The following MAGI2 variants were observed in gnomAD, a reference collection of about 807,000 sequenced individuals.
The protein encoded by MAGI2 is membrane associated guanylate kinase, WW and PDZ domain containing 2, also known as membrane-associated guanylate kinase, WW and PDZ domain-containing protein 2.
MAGI2 carries 35 observed loss-of-function variants against 133.3 expected under a neutral mutation model. The ratio of observed to expected loss-of-function variants is 0.26; its 90% CI spans 0.20 to 0.35. The LOEUF is 0.35. MAGI2 is among the 10% of genes least tolerant of loss of function. MAGI2 has a pLI of 1.00. For missense variants in MAGI2, 1,636 were observed against 1,863.4 expected, an observed-to-expected ratio of 0.88 and a Z score of 2.25; for synonymous variants, 729 against 710.6, an observed-to-expected ratio of 1.03 and a Z score of -0.41.
intron 18 of MAGI2, among the ~76,000 whole-genome samples, chr7:78,130,610 A>C (rs1446998079): frequency 6.6e-6 from 1 of 152,218 alleles, no homozygotes; most frequent in Non-Finnish European, 1.5e-5. Context: ...CAAATGTGCC[A>C]CCACCAACAA....
intron 1 of MAGI2, among the ~76,000 whole-genome samples, chr7:79,230,370 G>C (rs1310409690): frequency 6.6e-6 from 1 of 151,998 alleles, no homozygotes; most frequent in African/African-American, 2.4e-5. Flanking sequence ...TCGCCACACC[G>C]ACTTCCACAA....
chr7:78,568,409 C>T (rs1239486850), intron 3 of MAGI2: 1 of 152,240 alleles, frequency 6.6e-6, no homozygotes, highest in Non-Finnish European at 1.5e-5. Context: ...CCACCCAGAA[C>T]ATTTGATTTT....
intron 2 of MAGI2, among the ~76,000 whole-genome samples, chr7:78,823,204 C>A (rs970923162): frequency 7.2e-5 from 11 of 152,118 alleles, no homozygotes; most frequent in Non-Finnish European, 1.6e-4. Flanking sequence ...CTTGTCATTG[C>A]AGAGTGGAAC....
chr7:78,800,808 T>G (rs1242331879), intron 2 of MAGI2, among the ~76,000 whole-genome samples: 1 of 152,080 alleles, frequency 6.6e-6, no homozygotes, highest in Non-Finnish European at 1.5e-5. Flanking sequence ...TCAGTTTTTG[T>G]GATCAATGGC....
intron 1 of MAGI2, among the ~76,000 whole-genome samples, chr7:79,266,454 T>G (rs2129556847): frequency 6.6e-6 from 1 of 152,182 alleles, no homozygotes; most frequent in African/African-American, 2.4e-5. Context: ...ATTATCTGAT[T>G]ACTGAGCAGT....
intron 3 of MAGI2, among the ~76,000 whole-genome samples, chr7:78,625,107 G>A (rs1808203554): frequency 6.6e-6 from 1 of 152,060 alleles, no homozygotes; most frequent in Non-Finnish European, 1.5e-5. Flanking sequence ...CTAGGCTAAT[G>A]TGTGTGGTTG....
intron 20 of MAGI2, among the ~76,000 whole-genome samples, chr7:78,124,486 C>T (rs1820769709): frequency 6.6e-6 from 1 of 152,182 alleles, no homozygotes; most frequent in South Asian, 2.1e-4. Flanking sequence ...GGATAATCCT[C>T]TGACTTGGAA....
At chr7:78,391,907 T>C (rs1795925977) in intron 6 of MAGI2, among the ~76,000 whole-genome samples, 1 of 152,204 alleles carries the variant, frequency 6.6e-6, no homozygotes, top group South Asian at 2.1e-4. Context: ...TACATTTACC[T>C]GAAGTTAGTG....
chr7:78,481,704 A>G lies in MAGI2; in HGVS notation c.1045+8057T>C, dbSNP rs188409766. Among the ~76,000 whole-genome samples, 369 of 132,086 alleles carry G rather than the reference A, an allele frequency of 2.8e-3. 2 individuals carry two copies. In the South Asian group the frequency reaches 0.029, roughly 10 times the overall value. The allele number at this position is 132,086 out of a possible 152,430, so 86.7% of individuals were successfully genotyped here. On this transcript the variant is annotated intron_variant, in intron 6 of 21. Coordinates refer to ENST00000354212, the MANE Select transcript of MAGI2 (RefSeq NM_012301.4). ...ATGGTGCTGGAACAGTTCAACATCC[A>G]TAGGGAAAAAAAAATAGAGAACCTT... is the stretch of plus-strand genomic sequence containing the variant.
chr7:78,341,637 G>A (rs1790386354), intron 9 of MAGI2, among the ~76,000 whole-genome samples: 1 of 152,054 alleles, frequency 6.6e-6, no homozygotes, highest in African/African-American at 2.4e-5. Context: ...CAGAACAGAG[G>A]CCTCAGAAAT....
chr7:79,163,881 C>T (rs370685751), intron 1 of MAGI2, among the ~76,000 whole-genome samples: 1 of 152,030 alleles, frequency 6.6e-6, no homozygotes, highest in East Asian at 1.9e-4. Flanking sequence ...ATTGAAGACT[C>T]AGATCATGAT....
chr7:78,231,846 G>A (rs954424995), intron 10 of MAGI2, among the ~76,000 whole-genome samples: 2 of 152,190 alleles, frequency 1.3e-5, no homozygotes, highest in Non-Finnish European at 2.9e-5. Flanking sequence ...GTCGTTGACT[G>A]AATAGCTGGA....
At chr7:79,098,873 T>C (rs1562887597) in intron 1 of MAGI2, among the ~76,000 whole-genome samples, 1 of 152,236 alleles carries the variant, frequency 6.6e-6, no homozygotes, top group Non-Finnish European at 1.5e-5. Context: ...CCCACAGTTA[T>C]GCACAATGTT....
chr7:78,899,675 C>T (rs1440034680), intron 2 of MAGI2, among the ~76,000 whole-genome samples: 2 of 152,082 alleles, frequency 1.3e-5, no homozygotes, highest in Non-Finnish European at 2.9e-5. Context: ...ACTGACACTC[C>T]GGGTCTCAAT....
At chr7:79,305,471 C>G (rs1837715582) in intron 1 of MAGI2, among the ~76,000 whole-genome samples, 1 of 152,174 alleles carries the variant, frequency 6.6e-6, no homozygotes. Flanking sequence ...ATACCTCATT[C>G]TTTCACAATG....
At chr7:79,370,893 A>G (rs1029182153) in intron 1 of MAGI2, among the ~76,000 whole-genome samples, 4 of 152,140 alleles carry the variant, frequency 2.6e-5, no homozygotes, top group African/African-American at 9.7e-5. Flanking sequence ...AGGTCAAAAT[A>G]AAATGAAATT....
intron 2 of MAGI2, among the ~76,000 whole-genome samples, chr7:78,927,779 C>T (rs558258186): frequency 1.3e-5 from 2 of 151,626 alleles, no homozygotes; most frequent in Non-Finnish European, 2.9e-5. Context: ...TTTCTTCTTC[C>T]TCCATTTCTG....
intron 1 of MAGI2, among the ~76,000 whole-genome samples, chr7:79,118,584 T>C (rs1230346307): frequency 6.6e-6 from 1 of 152,164 alleles, no homozygotes; most frequent in East Asian, 1.9e-4. Flanking sequence ...GATCTCTGAG[T>C]ACTTCAAAGC....
intron 21 of MAGI2, among the ~76,000 whole-genome samples, chr7:78,030,261 G>A (rs1809425325): frequency 1.3e-5 from 2 of 152,100 alleles, no homozygotes; most frequent in Non-Finnish European, 2.9e-5. Context: ...TTTGAATCCA[G>A]TTATTTTTAT....
Sources: gnomAD v4.1 joint callset for allele counts (sites outside exome capture counted in the v4.1 genomes callset) on GRCh38, gnomAD v4.1.1 for gene constraint, MANE v1.5 for transcripts, NCBI Gene and HGNC (gene_info 2026-07-23, HGNC 2026-07-21) for gene names.